ARPP21: variants seen among roughly 807,000 people sequenced by gnomAD.
ARPP21 encodes the protein cAMP regulated phosphoprotein 21, also known as cAMP-regulated phosphoprotein 21.
Under a neutral mutation model 113.2 loss-of-function variants are expected in ARPP21, and 69 were observed. The observed-to-expected ratio is 0.61, with a 90% CI of 0.50 to 0.74. The LOEUF (loss-of-function observed/expected upper bound fraction) is 0.74. Ranked by LOEUF, ARPP21 falls within the 30% of genes least tolerant of loss-of-function variation. ARPP21 has a pLI of 0.00. For missense variants in ARPP21, 1,070 were observed against 1,037.4 expected (o/e 1.03, Z -0.43); for synonymous variants, 368 against 375.5 (o/e 0.98, Z 0.23).
intron 20 of ARPP21, among the ~76,000 whole-genome samples, chr3:35,793,466 C>T (rs1303518508): frequency 2.0e-5 from 3 of 152,186 alleles, no homozygotes; most frequent in African/African-American, 4.8e-5. Context: ...TACACCATCC[C>T]TTCAATCCTT....
intron 1 of ARPP21, among the ~76,000 whole-genome samples, chr3:35,671,911 C>T (rs2076427394): frequency 6.6e-6 from 1 of 151,972 alleles, no homozygotes; most frequent in Admixed American, 6.6e-5. Flanking sequence ...TCAGAAAGCA[C>T]CAAGAGCCTG....
At chr3:35,649,026 G>A (rs563824546) in intron 1 of ARPP21, among the ~76,000 whole-genome samples, 6 of 152,190 alleles carry the variant, frequency 3.9e-5, no homozygotes, top group Non-Finnish European at 5.9e-5. Context: ...ACTAACTTAC[G>A]TTAAATACAC....
At chr3:35,725,611 T>C in intron 14 of ARPP21, among the ~76,000 whole-genome samples, 1 of 152,216 alleles carries the variant, frequency 6.6e-6, no homozygotes, top group East Asian at 1.9e-4. Context: ...TTCCCTCTGC[T>C]CCAAGGGAAT....
chr3:35,751,182 A>G (rs1172511642), intron 19 of ARPP21, among the ~76,000 whole-genome samples: 1 of 152,180 alleles, frequency 6.6e-6, no homozygotes, highest in Non-Finnish European at 1.5e-5. Flanking sequence ...TAACTGCAGC[A>G]AATCATTTGA....
intron 9 of ARPP21, among the ~76,000 whole-genome samples, chr3:35,704,369 C>A (rs2087829128): frequency 6.6e-6 from 1 of 151,524 alleles, no homozygotes; most frequent in Non-Finnish European, 1.5e-5. Flanking sequence ...TAAATGACTA[C>A]TACAAAGAAA....
chr3:35,723,566 G>T (rs2093299531), intron 14 of ARPP21, among the ~76,000 whole-genome samples: 1 of 152,060 alleles, frequency 6.6e-6, no homozygotes, highest in Admixed American at 6.5e-5. Flanking sequence ...AACTAAGATA[G>T]GTTTAATAGT....
intron 19 of ARPP21, among the ~76,000 whole-genome samples, chr3:35,761,076 C>A (rs1175912049): frequency 1.3e-5 from 2 of 152,056 alleles, no homozygotes; most frequent in African/African-American, 4.8e-5. Context: ...GAACCACTGC[C>A]CTAAAGCTAA....
chr3:35,687,178 G>C (rs1461566868), intron 5 of ARPP21, among the ~76,000 whole-genome samples: 1 of 151,178 alleles, frequency 6.6e-6, no homozygotes, highest in African/African-American at 2.4e-5. Context: ...TAGAATTCCT[G>C]CAATTCTATA....
chr3:35,753,980 T>C (rs2151132665), intron 19 of ARPP21, among the ~76,000 whole-genome samples: 1 of 151,738 alleles, frequency 6.6e-6, no homozygotes, highest in Middle Eastern at 3.4e-3. Context: ...TTTTTTTTTT[T>C]TTCAAATATC....
chr3:35,728,714 A>T (rs2093730553), intron 14 of ARPP21, among the ~76,000 whole-genome samples: 1 of 152,068 alleles, frequency 6.6e-6, no homozygotes, highest in Admixed American at 6.6e-5. Flanking sequence ...ATCCTATTTG[A>T]TTTTGAAATG....
chr3:35,736,493 C>T (rs1007719614), intron 15 of ARPP21, among the ~76,000 whole-genome samples: 13 of 152,162 alleles, frequency 8.5e-5, no homozygotes, highest in Admixed American at 4.6e-4. Flanking sequence ...AATACTATGA[C>T]GAATAGCAGT....
At chr3:35,663,143 T>C (rs990507408) in intron 1 of ARPP21, among the ~76,000 whole-genome samples, 1 of 151,120 alleles carries the variant, frequency 6.6e-6, no homozygotes, top group Non-Finnish European at 1.5e-5. Context: ...TTGTACAAAT[T>C]AAAAAAAAAT....
At chr3:35,670,843 T>C (rs937182816) in intron 1 of ARPP21, among the ~76,000 whole-genome samples, 3 of 152,162 alleles carry the variant, frequency 2.0e-5, no homozygotes, top group African/African-American at 7.2e-5. Flanking sequence ...TCGATAGTGC[T>C]CCTGCTCTGC....
chr3:35,699,969 T>G (rs1489306376), intron 9 of ARPP21, among the ~76,000 whole-genome samples: 1 of 151,800 alleles, frequency 6.6e-6, no homozygotes, highest in Non-Finnish European at 1.5e-5. Context: ...ATATCTATCC[T>G]ACTTAAGGTT....
chr3:35,654,075 C>G (rs1024424026), intron 1 of ARPP21, among the ~76,000 whole-genome samples: 2 of 151,910 alleles, frequency 1.3e-5, no homozygotes, highest in Admixed American at 1.3e-4. Context: ...AGTGAGGTTT[C>G]TTTAGGGGAC....
At chr3:35,686,167 TG>T (rs1422719420) in intron 5 of ARPP21, among the ~76,000 whole-genome samples, 8 of 151,672 alleles carry the variant, frequency 5.3e-5, no homozygotes, top group African/African-American at 1.9e-4. Flanking sequence ...GATGATTAAC[TG>T]TCAAACTGAA....
intron 1 of ARPP21, among the ~76,000 whole-genome samples, chr3:35,671,252 C>A (rs183925723): frequency 1.1e-4 from 16 of 152,078 alleles, no homozygotes; most frequent in Admixed American, 2.6e-4. Flanking sequence ...TGTTGTTATT[C>A]TCTTGCGTTT....
At chr3:35,730,411 T>G (rs2093876616) in intron 15 of ARPP21, among the ~76,000 whole-genome samples, 1 of 152,204 alleles carries the variant, frequency 6.6e-6, no homozygotes, top group Non-Finnish European at 1.5e-5. Context: ...GGGCTGCTAT[T>G]GACACCCAGT....
chr3:35,737,387 G>T (rs1158784126), intron 16 of ARPP21, 25 bp downstream of exon 16: 1 of 1,557,530 alleles, frequency 6.4e-7, no homozygotes, highest in East Asian at 2.3e-5. Flanking sequence ...GGAAGGCAGG[G>T]AAGGGAAGTA....
Sources: allele counts gnomAD v4.1 joint callset (sites outside exome capture counted in the v4.1 genomes callset), GRCh38; gene constraint gnomAD v4.1.1; transcripts MANE v1.5; gene names NCBI Gene and HGNC (gene_info 2026-07-23, HGNC 2026-07-21).